Variants in HSD17B4 observed in about 807,000 individuals in gnomAD.
HSD17B4 encodes peroxisomal multifunctional enzyme type 2.
HSD17B4 carries 70 observed loss-of-function variants against 101.0 expected under a neutral mutation model. That is an observed-to-expected ratio of 0.69 (90% CI 0.57 to 0.85). The LOEUF is 0.85. Ranked by LOEUF, HSD17B4 falls within the 40% of genes least tolerant of loss-of-function variation. The pLI is 0.00. For synonymous variants in HSD17B4, 347 were observed against 297.1 expected, an observed-to-expected ratio of 1.17 and a Z score of -1.73; for missense variants, 984 against 892.4, an observed-to-expected ratio of 1.10 and a Z score of -1.31.
At chr5:119,534,033 C>T (rs1405218973) in intron 22 of HSD17B4, among the ~76,000 whole-genome samples, 1 of 151,950 alleles carries the variant, frequency 6.6e-6, no homozygotes, top group Admixed American at 6.6e-5. Flanking sequence ...ATTACTGAAA[C>T]TTTTTATAAA....
Position 119,478,956 on chromosome 5 carries a change from A to T in HSD17B4, c.557A>T (p.Asn186Ile), listed in dbSNP as rs1339819940. The part of the protein sequence containing the change: ...NSLAIEGRKS[N>I]IHCNTIAPNA... ...CTTGCAATTGAAGGCAGGAAAAGCA[A>T]CATTCATTGTAACACCATTGCTCCT... Residue 186 changes from asparagine (N) to isoleucine (I), a missense_variant, in exon 8 of 24, where the codon AAC becomes ATC. Asn to Ile is a moderately radical substitution (Grantham distance 149, BLOSUM62 -3). Transcript: ENST00000510025. The T allele has an allele frequency of 6.2e-7, 1 of 1,613,744 alleles. No homozygotes were observed. Among genetic ancestry groups the T allele is most frequent in the South Asian group, 1.1e-5 (1 of 91,072 alleles).
intron 4 of HSD17B4, among the ~76,000 whole-genome samples, chr5:119,474,872 C>G (rs920448467): frequency 2.0e-5 from 3 of 151,990 alleles, no homozygotes; most frequent in Admixed American, 6.6e-5. Flanking sequence ...GATGATTTCT[C>G]TATAATAAAA....
intron 22 of HSD17B4, among the ~76,000 whole-genome samples, chr5:119,534,642 C>A (rs1754389085): frequency 6.6e-6 from 1 of 152,044 alleles, no homozygotes; most frequent in Non-Finnish European, 1.5e-5. Context: ...AACTAAATCT[C>A]AAGGGTGTTG....
intron 11 of HSD17B4, among the ~76,000 whole-genome samples, chr5:119,495,038 G>A (rs753243848): frequency 2.1e-5 from 3 of 145,214 alleles, no homozygotes; most frequent in African/African-American, 5.4e-5. Context: ...ATGACTATTC[G>A]GTTTTTTTTT....
intron 16 of HSD17B4, among the ~76,000 whole-genome samples, chr5:119,511,887 A>G (rs1752207689): frequency 6.6e-6 from 1 of 152,236 alleles, no homozygotes; most frequent in African/African-American, 2.4e-5. Flanking sequence ...TGATGCATAG[A>G]CGGAAGAAAC....
chr5:119,484,745 C>T (rs1279428596), intron 8 of HSD17B4, among the ~76,000 whole-genome samples: 1 of 152,158 alleles, frequency 6.6e-6, no homozygotes, highest in East Asian at 1.9e-4. Flanking sequence ...ATTTGTAATA[C>T]TACAGCAGTA....
At chr5:119,496,097 G>A (rs1442475260) in intron 11 of HSD17B4, among the ~76,000 whole-genome samples, 1 of 152,140 alleles carries the variant, frequency 6.6e-6, no homozygotes, top group East Asian at 1.9e-4. Context: ...GCTATTACTT[G>A]TACAAAGAAC....
intron 10 of HSD17B4, chr5:119,492,370 T>A: frequency 1.9e-6 from 1 of 537,548 alleles, no homozygotes; most frequent in Non-Finnish European, 3.3e-6. Flanking sequence ...ACTTGTCCTG[T>A]TTTATTCAGA....
At chr5:119,508,478 A>C (rs569813266) in intron 15 of HSD17B4, among the ~76,000 whole-genome samples, 16 of 152,302 alleles carry the variant, frequency 1.1e-4, no homozygotes, top group Admixed American at 6.5e-4. Flanking sequence ...TCATATTTCT[A>C]GTTTTGCAGA....
intron 8 of HSD17B4, among the ~76,000 whole-genome samples, chr5:119,486,937 G>A (rs1749662986): frequency 6.6e-6 from 1 of 151,988 alleles, no homozygotes; most frequent in Admixed American, 6.6e-5. Context: ...TTGTGTGCTT[G>A]GTGATTTCTA....
chr5:119,493,696 A>T, intron 10 of HSD17B4, 122 bp from the exon 11 acceptor site: 1 of 863,954 alleles, frequency 1.2e-6, no homozygotes, highest in South Asian at 1.5e-5. Context: ...AAAACTCTTT[A>T]GGAGTTAGAA....
At chr5:119,478,735 G>A in intron 7 of HSD17B4, 99 bp from the exon 8 acceptor site, 1 of 872,402 alleles carries the variant, frequency 1.1e-6, no homozygotes, top group Non-Finnish European at 1.9e-6. Flanking sequence ...AGTACACATA[G>A]TTGCTTTTGA....
At chr5:119,504,244 G>T (rs1282545622) in intron 14 of HSD17B4, among the ~76,000 whole-genome samples, 1 of 151,744 alleles carries the variant, frequency 6.6e-6, no homozygotes, top group Non-Finnish European at 1.5e-5. Context: ...GTGAGCATAT[G>T]AGTGCATATG....
chr5:119,516,721 TAAGA>T (rs1752642752), intron 17 of HSD17B4, among the ~76,000 whole-genome samples: 1 of 152,188 alleles, frequency 6.6e-6, no homozygotes, highest in Non-Finnish European at 1.5e-5. Context: ...ATGCATGCTA[TAAGA>T]AATACAAGTC....
rs760563538 is a variant in HSD17B4, at chr5:119,525,211, C to G, written c.1504-5C>G. On this transcript the variant is annotated splice_region_variant and splice_polypyrimidine_tract_variant and intron_variant, in intron 17 of 23. Coordinates refer to ENST00000510025, the MANE Select transcript of HSD17B4 (RefSeq NM_000414.4). ...GTTCTAGTTATGTTTATGCTTTCTC[C>G]ACAGGCTGCTTTGTACCGCCTCAGT... 3.7e-6 allele frequency: 6 copies of G among 1,606,904 alleles called. No homozygotes were observed. The highest frequency in any genetic ancestry group is 5.1e-6 in the Non-Finnish European group (6 of 1,174,026).
chr5:119,541,392 T>A (rs1754979606), intron 23 of HSD17B4, among the ~76,000 whole-genome samples: 1 of 152,228 alleles, frequency 6.6e-6, no homozygotes, highest in African/African-American at 2.4e-5. Context: ...CAAGCTCACC[T>A]TGCTATTAAG....
At position 119,473,423 on chromosome 5, in the gene HSD17B4, A is replaced by C. The variant is rs1365720725; in HGVS notation, c.113-485A>C. ...AGCCTTGATTTCCCAGGTTCAAGCA[A>C]TCCTCCCACCTCAGCCTCCCAAGTA... On this transcript the variant is annotated intron_variant, in intron 2 of 23. Coordinates refer to ENST00000510025, the MANE Select transcript of HSD17B4 (RefSeq NM_000414.4). Among the ~76,000 whole-genome samples the C allele has an allele frequency of 2.7e-5, 4 of 148,696 alleles. No individual in the cohort carries two copies. In the East Asian group the frequency reaches 7.9e-4, roughly 29 times the overall value.
At chr5:119,529,163 C>CA (rs966661325) in intron 20 of HSD17B4, among the ~76,000 whole-genome samples, 1 of 152,038 alleles carries the variant, frequency 6.6e-6, no homozygotes, top group Non-Finnish European at 1.5e-5. Context: ...TGTTAAAAAT[C>CA]AAAGTTTTAA....
intron 17 of HSD17B4, 30 bp from the exon 18 acceptor site, chr5:119,525,186 G>C (rs768408982): frequency 3.3e-6 from 5 of 1,511,486 alleles, no homozygotes; most frequent in Non-Finnish European, 4.6e-6. Flanking sequence ...AAAACACTGA[G>C]TTCTAGTTAT....
Sources: allele counts gnomAD v4.1 joint callset (sites outside exome capture counted in the v4.1 genomes callset), GRCh38; gene constraint gnomAD v4.1.1; transcripts MANE v1.5; gene names NCBI Gene and HGNC (gene_info 2026-07-23, HGNC 2026-07-21).